The following IGFBP4 variants were observed in gnomAD, a reference collection of about 807,000 sequenced individuals.
IGFBP4 encodes the protein insulin like growth factor binding protein 4.
Under a neutral mutation model 25.8 loss-of-function variants are expected in IGFBP4, and 9 were observed. That is an observed-to-expected ratio of 0.35 (90% confidence interval 0.21 to 0.61). The LOEUF is 0.61. IGFBP4 is among the 20% of genes least tolerant of loss of function. The pLI, the probability that IGFBP4 is intolerant of heterozygous loss-of-function variation, is 0.77. For synonymous variants in IGFBP4, 153 were observed against 153.9 expected (o/e 0.99, Z 0.05); for missense variants, 315 against 365.3 (o/e 0.86, Z 1.12).
rs2035694218 is a variant in IGFBP4 at position 40,452,994 on chromosome 17, A to G, written c.359A>G (p.Glu120Gly). 1.3e-6 allele frequency: 2 copies of G among 1,552,476 alleles called. No homozygotes were observed. The highest frequency in any genetic ancestry group is 2.5e-5 in the East Asian group (1 of 40,472). Residue 120 changes from glutamate (E) to glycine (G), a missense_variant, in exon 2 of 4, where the codon GAG becomes GGG. Physicochemically the swap from Glu to Gly is moderately conservative, Grantham distance 98. Coordinates refer to ENST00000269593, the MANE Select transcript of IGFBP4 (RefSeq NM_001552.3). ...QESLQPSDKDEGDHPNNSFSP... is the reference protein window; with the variant it reads ...QESLQPSDKDGGDHPNNSFSP... ...CGCTACCTGAATACAGACAAGGACG[A>G]GGGTGACCACCCCAACAACAGCTTC...
At chr17:40,454,611 G>A (rs2035704697) in intron 3 of IGFBP4, among the ~76,000 whole-genome samples, 1 of 152,210 alleles carries the variant, frequency 6.6e-6, no homozygotes, top group South Asian at 2.1e-4. Context: ...GGCACTTTGG[G>A]TAGAAGCAGA....
Position 40,453,036 on chromosome 17 carries a change from A to G in IGFBP4, c.401A>G (p.His134Arg), listed in dbSNP as rs1317921657. 6.3e-7 allele frequency: 1 copy of G among 1,594,768 alleles called. No individual in the cohort carries two copies. The highest frequency in any genetic ancestry group is 8.5e-7 in the Non-Finnish European group (1 of 1,170,238). Reference protein sequence around the residue: ...PNNSFSPCSAHDRRCLQKHFA... With the variant: ...PNNSFSPCSARDRRCLQKHFA... ...AACAGCTTCAGCCCCTGTAGCGCCC[A>G]TGACCGCAGGTGCCTGCAGAAGCAC... Residue 134 changes from histidine to arginine, a missense_variant, in exon 2 of 4, where the codon CAT becomes CGT. Coordinates refer to ENST00000269593, the MANE Select transcript of IGFBP4 (RefSeq NM_001552.3). This position sits in a 1 kb window ranked among gnomAD's most constrained non-coding sequence, Gnocchi z 4.0.
chr17:40,452,057 C>T (rs544634884), intron 1 of IGFBP4, among the ~76,000 whole-genome samples: 4 of 152,234 alleles, frequency 2.6e-5, no homozygotes, highest in Admixed American at 6.5e-5. Flanking sequence ...AGGCTGGTCT[C>T]GAACTCCTGG....
At chr17:40,450,230 G>T (rs1157169607) in intron 1 of IGFBP4, among the ~76,000 whole-genome samples, 1 of 152,110 alleles carries the variant, frequency 6.6e-6, no homozygotes, top group East Asian at 1.9e-4. Context: ...GAACTCCTGG[G>T]TTCAAGCGAT....
In IGFBP4 at chr17:40,456,680, T is replaced by C. The variant is rs556780529; in HGVS notation, c.*97T>C. On this transcript the variant is annotated 3_prime_UTR_variant, in exon 4 of 4. Coordinates refer to ENST00000269593, the MANE Select transcript of IGFBP4 (RefSeq NM_001552.3). ...GAGTGGAGTCTGAGTCTGAGTCCTGTCTCTGCCTGCGGCCCAGAAGTTTCC... is the reference window on the plus strand; with the variant it reads ...GAGTGGAGTCTGAGTCTGAGTCCTGCCTCTGCCTGCGGCCCAGAAGTTTCC... The C allele has an allele frequency of 7.8e-6, 10 of 1,279,844 alleles. 1 individual carries two copies. In the East Asian group the frequency reaches 2.4e-4, roughly 30 times the overall value. The allele number at this position is 1,279,844 out of a possible 1,614,324, so 79.3% of individuals were successfully genotyped here.
At chr17:40,452,923 G>T in intron 1 of IGFBP4, 62 bp from the exon 2 acceptor site, 1 of 1,318,738 alleles carries the variant, frequency 7.6e-7, no homozygotes, top group Non-Finnish European at 1.0e-6. Context: ...TGGGAGGCTG[G>T]GTTGGTGTGA....
intron 1 of IGFBP4, among the ~76,000 whole-genome samples, chr17:40,444,469 T>A (rs2035629465): frequency 6.6e-6 from 1 of 151,138 alleles, no homozygotes; most frequent in African/African-American, 2.4e-5. Context: ...GATGAGGGAG[T>A]GGGGAAAGCT....
At chr17:40,444,605 G>A (rs2035630193) in intron 1 of IGFBP4, among the ~76,000 whole-genome samples, 1 of 152,048 alleles carries the variant, frequency 6.6e-6, no homozygotes, top group African/African-American at 2.4e-5. Flanking sequence ...GGCGTTGAGG[G>A]GCATTAGACT....
intron 1 of IGFBP4, among the ~76,000 whole-genome samples, chr17:40,444,623 C>T (rs566130618): frequency 2.8e-4 from 42 of 152,118 alleles, no homozygotes; most frequent in Non-Finnish European, 5.6e-4. Flanking sequence ...ACTTGCCCTT[C>T]CCCAAAGCCC....
At chr17:40,455,044 C>T (rs2035706571) in intron 3 of IGFBP4, among the ~76,000 whole-genome samples, 1 of 152,114 alleles carries the variant, frequency 6.6e-6, no homozygotes, top group South Asian at 2.1e-4. Flanking sequence ...CTATTTCTAA[C>T]CTTTATCCTA....
chr17:40,448,562 AG>A (rs1400724349), intron 1 of IGFBP4, among the ~76,000 whole-genome samples: 1 of 152,240 alleles, frequency 6.6e-6, no homozygotes, highest in African/African-American at 2.4e-5. Context: ...ATTTCTCCAG[AG>A]GGCACTACCA....
chr17:40,455,350 G>A (rs1433101801), intron 3 of IGFBP4, among the ~76,000 whole-genome samples: 1 of 151,742 alleles, frequency 6.6e-6, no homozygotes, highest in African/African-American at 2.4e-5. Flanking sequence ...TTAAAGGCAG[G>A]ATCTCAGTCT....
At position 40,453,440 on chromosome 17, in the gene IGFBP4, C is replaced by G. The variant is rs2035697456; in HGVS notation, c.507+298C>G. Among the ~76,000 whole-genome samples, 1 of 152,092 alleles carries G rather than the reference C, an allele frequency of 6.6e-6. No individual in the cohort carries two copies. Among genetic ancestry groups the G allele is most frequent in the Non-Finnish European group, 1.5e-5 (1 of 67,996 alleles). On this transcript the variant is annotated intron_variant, in intron 2 of 3. Transcript: ENST00000269593. The surrounding 1 kb of genome is among the most constrained non-coding windows in gnomAD (Gnocchi z 4.0). The stretch of plus-strand genomic sequence containing the variant: ...AACTTCTATACCAATTGGTAAAAAG[C>G]AGTTACCCAAAGCGCCCTGGGGTTT...
intron 1 of IGFBP4, among the ~76,000 whole-genome samples, chr17:40,446,703 G>T (rs1297362800): frequency 6.6e-6 from 1 of 152,182 alleles, no homozygotes; most frequent in Non-Finnish European, 1.5e-5. Flanking sequence ...ACACAGCCAA[G>T]GTCTGTAATG....
rs930043213 is a variant in IGFBP4, at chr17:40,456,783, C to T, written c.*200C>T. ...AGCATGGGTGTGCCCTTGGGGTAAG[C>T]CAGAGCCTGGGGTGTTCTCTTTGGT... On this transcript the variant is annotated 3_prime_UTR_variant, in exon 4 of 4. Transcript: ENST00000269593. 3.3e-5 allele frequency: 19 copies of T among 578,688 alleles called. No individual in the cohort carries two copies. The highest frequency in any genetic ancestry group is 4.5e-5 in the Non-Finnish European group (15 of 332,638). The allele number at this position is 578,688 out of a possible 1,614,324, so 35.8% of individuals were successfully genotyped here. A position where few individuals can be genotyped will look rare whatever the true frequency, so the allele number is the denominator to read the frequency against.
chr17:40,444,102 T>C lies in IGFBP4; in HGVS notation c.349+18T>C. ...GCCCTCTGGTAAGGTACCCCTGGCC[T>C]CCCAATTCCCTCCTGAGTGCGCTCC... On this transcript the variant is annotated intron_variant, in intron 1 of 3. Transcript: ENST00000269593. 1 of 1,510,692 alleles carries C rather than the reference T, an allele frequency of 6.6e-7. No homozygotes were observed. The highest frequency in any genetic ancestry group is 8.9e-7 in the Non-Finnish European group (1 of 1,124,498). 93.6% of individuals were successfully genotyped at this position (1,510,692 alleles called of 1,614,324 possible). A position where few individuals can be genotyped will look rare whatever the true frequency, so the allele number is the denominator to read the frequency against.
At chr17:40,445,445 C>G (rs1597673366) in intron 1 of IGFBP4, among the ~76,000 whole-genome samples, 1 of 152,224 alleles carries the variant, frequency 6.6e-6, no homozygotes, top group Non-Finnish European at 1.5e-5. Context: ...ACTCCAGCCC[C>G]AAGCTTCCTG....
intron 1 of IGFBP4, among the ~76,000 whole-genome samples, chr17:40,452,158 C>T (rs1191666345): frequency 1.3e-5 from 2 of 152,170 alleles, no homozygotes; most frequent in Non-Finnish European, 2.9e-5. Flanking sequence ...TTTTCTTGAG[C>T]TCAGATAGAG....
intron 1 of IGFBP4, among the ~76,000 whole-genome samples, chr17:40,445,758 G>C (rs1436885786): frequency 6.6e-6 from 1 of 152,150 alleles, no homozygotes; most frequent in Non-Finnish European, 1.5e-5. Flanking sequence ...CAAGGGCCGA[G>C]CCCTTGGGTT....
Sources: allele counts gnomAD v4.1 joint callset (sites outside exome capture counted in the v4.1 genomes callset), GRCh38; gene constraint gnomAD v4.1.1; non-coding constraint Gnocchi (gnomAD v3.1); transcripts MANE v1.5; gene names NCBI Gene and HGNC (gene_info 2026-07-23, HGNC 2026-07-21).